Variants in GPR141 observed in about 807,000 individuals in gnomAD.
GPR141 encodes G protein-coupled receptor 141.
GPR141 carries 6 observed loss-of-function variants against 6.8 expected under a neutral mutation model. The observed-to-expected ratio is 0.88, with a 90% confidence interval of 0.48 to 1.74. The LOEUF (loss-of-function observed/expected upper bound fraction) is 1.74. Ranked by LOEUF, GPR141 falls within the 40% of genes most tolerant of loss-of-function variation. GPR141 has a pLI of 0.01. For missense variants in GPR141, 372 were observed against 372.9 expected (o/e 1.00, Z 0.02); for synonymous variants, 140 against 142.3 (o/e 0.98, Z 0.11).
chr7:37,728,833 T>G (rs1583568798), intron 2 of GPR141, among the ~76,000 whole-genome samples: 2 of 152,264 alleles, frequency 1.3e-5, no homozygotes, highest in African/African-American at 4.8e-5. Flanking sequence ...GAGGCTTGTT[T>G]AGAGCTACAA....
intron 2 of GPR141, among the ~76,000 whole-genome samples, chr7:37,706,846 A>G (rs1267470859): frequency 6.6e-6 from 1 of 152,204 alleles, no homozygotes; most frequent in African/African-American, 2.4e-5. Flanking sequence ...AATCGTAATG[A>G]TTGACCAGAG....
chr7:37,737,129 T>TAC (rs999456125), intron 2 of GPR141, among the ~76,000 whole-genome samples: 1 of 152,084 alleles, frequency 6.6e-6, no homozygotes, highest in African/African-American at 2.4e-5. Flanking sequence ...AGATATAAAG[T>TAC]ACACACACTA....
chr7:37,691,531 CTT>C (rs1366759124), intron 2 of GPR141, among the ~76,000 whole-genome samples: 1 of 151,504 alleles, frequency 6.6e-6, no homozygotes. Flanking sequence ...TTTTTCCTCT[CTT>C]ATTGTTTAGT....
intron 2 of GPR141, among the ~76,000 whole-genome samples, chr7:37,733,671 C>CAAAAAAAAAAA (rs55943222): frequency 3.9e-5 from 4 of 101,302 alleles, no homozygotes; most frequent in Non-Finnish European, 7.7e-5. Flanking sequence ...AACTCCATCT[C>CAAAAAAAAAAA]AAAAAAAAAA....
intron 2 of GPR141, among the ~76,000 whole-genome samples, chr7:37,735,989 T>G (rs1812215224): frequency 6.6e-6 from 1 of 151,830 alleles, no homozygotes; most frequent in African/African-American, 2.4e-5. Flanking sequence ...CCGGGCATGA[T>G]AGCTCACACC....
intron 2 of GPR141, among the ~76,000 whole-genome samples, chr7:37,731,500 A>G (rs1377656865): frequency 1.3e-5 from 2 of 152,112 alleles, no homozygotes; most frequent in South Asian, 2.1e-4. Flanking sequence ...CTGGAGTGCA[A>G]TGGCAGGATC....
chr7:37,740,141 G>A (rs1562794347), intron 2 of GPR141, among the ~76,000 whole-genome samples: 1 of 152,008 alleles, frequency 6.6e-6, no homozygotes, highest in East Asian at 1.9e-4. Context: ...CTCTCTGGGG[G>A]GCAACTTGAA....
Position 37,740,572 on chromosome 7 carries a change from T to C in GPR141, c.179T>C (p.Val60Ala), listed in dbSNP as rs1314970724. The C allele has an allele frequency of 2.5e-6, 4 of 1,614,110 alleles. No homozygotes were observed. The South Asian group carries it at 3.3e-5, about 13-fold the overall frequency. ...ACCATGGCGGTCATTAACTTGGTGGTGGTCCACAGCGTTTTTCTGCTGACA... is the reference window on the plus strand; with the variant it reads ...ACCATGGCGGTCATTAACTTGGTGGCGGTCCACAGCGTTTTTCTGCTGACA... ...VTTMAVINLV[V>A]VHSVFLLTVP... The change falls in exon 3 of 3, where the codon GTG (valine) becomes GCG (alanine). Residue 60 changes from valine to alanine, a missense_variant. Physicochemically the swap from Val to Ala is moderately conservative, Grantham distance 64 (BLOSUM62 0). Transcript: ENST00000334425.
chr7:37,725,388 C>T (rs570648599), intron 2 of GPR141, among the ~76,000 whole-genome samples: 75 of 152,254 alleles, frequency 4.9e-4, no homozygotes, highest in South Asian at 4.4e-3. Flanking sequence ...ATCAGAGGGA[C>T]CAGGCCTGCG....
intron 2 of GPR141, among the ~76,000 whole-genome samples, chr7:37,692,304 T>C (rs1809814030): frequency 6.6e-6 from 1 of 152,208 alleles, no homozygotes; most frequent in African/African-American, 2.4e-5. Flanking sequence ...GCTTCATCCA[T>C]ATCCCTGCAA....
chr7:37,713,400 C>T (rs1810901109), intron 2 of GPR141: 1 of 152,194 alleles, frequency 6.6e-6, no homozygotes, highest in Admixed American at 6.5e-5. Context: ...AATCCTTCTA[C>T]CTTGGCCTCT....
At chr7:37,695,621 C>T (rs368493436) in intron 2 of GPR141, among the ~76,000 whole-genome samples, 13 of 152,138 alleles carry the variant, frequency 8.5e-5, no homozygotes, top group African/African-American at 2.7e-4. Flanking sequence ...CCTAAGTTTC[C>T]GTGTTCACTC....
At chr7:37,708,170 T>C (rs1168280475) in intron 2 of GPR141, among the ~76,000 whole-genome samples, 1 of 151,778 alleles carries the variant, frequency 6.6e-6, no homozygotes, top group Non-Finnish European at 1.5e-5. Context: ...TAAGTGGCCA[T>C]ACTGAAGCAT....
At chr7:37,717,997 T>C (rs921209704) in intron 2 of GPR141, among the ~76,000 whole-genome samples, 1 of 152,120 alleles carries the variant, frequency 6.6e-6, no homozygotes. Context: ...GTGAAATAAG[T>C]CAATTATATT....
intron 2 of GPR141, among the ~76,000 whole-genome samples, chr7:37,692,882 A>T (rs1308854121): frequency 6.6e-6 from 1 of 151,916 alleles, no homozygotes; most frequent in African/African-American, 2.4e-5. Flanking sequence ...GTTCCTTGTA[A>T]ATTCTGGATA....
chr7:37,728,710 C>G (rs1383018205), intron 2 of GPR141, among the ~76,000 whole-genome samples: 2 of 151,886 alleles, frequency 1.3e-5, no homozygotes, highest in Non-Finnish European at 2.9e-5. Context: ...AGCCACCAGC[C>G]AGGCCTCAGG....
intron 2 of GPR141, among the ~76,000 whole-genome samples, chr7:37,701,903 A>G (rs969216113): frequency 6.6e-6 from 1 of 152,148 alleles, no homozygotes; most frequent in Non-Finnish European, 1.5e-5. Flanking sequence ...TTCCTCTCAA[A>G]CTTATTTCAA....
rs1358943859 is a variant in GPR141, at chr7:37,743,377, G to A, written c.*2066G>A. Among the ~76,000 whole-genome samples the A allele has an allele frequency of 6.6e-6, 1 of 151,752 alleles. No homozygotes were observed. Among genetic ancestry groups the A allele is most frequent in the East Asian group, 1.9e-4 (1 of 5,176 alleles). On this transcript the variant is annotated 3_prime_UTR_variant, in exon 3 of 3. Transcript: ENST00000334425. ...CATGACTTGTTTCCATATATTTTCT[G>A]TTTTATATATTCTTTTAAATATCCT...
At chr7:37,712,769 T>TA (rs1810864628) in intron 2 of GPR141, among the ~76,000 whole-genome samples, 1 of 152,226 alleles carries the variant, frequency 6.6e-6, no homozygotes, top group South Asian at 2.1e-4. Flanking sequence ...CAAGACTCAA[T>TA]AGCACAAAAG....
Sources: gnomAD v4.1 joint callset for allele counts (sites outside exome capture counted in the v4.1 genomes callset) on GRCh38, gnomAD v4.1.1 for gene constraint, MANE v1.5 for transcripts, NCBI Gene and HGNC (gene_info 2026-07-23, HGNC 2026-07-21) for gene names.